The following NKAIN3 variants were observed in gnomAD, a reference collection of about 807,000 sequenced individuals.
NKAIN3 encodes the protein sodium/potassium-transporting ATPase subunit beta-1-interacting protein 3.
A neutral mutation model predicts 30.2 loss-of-function variants in NKAIN3; 25 were observed. That is an observed-to-expected ratio of 0.83 (90% CI 0.60 to 1.16). NKAIN3 has a LOEUF of 1.16. Ranked by LOEUF, NKAIN3 falls within the 50% of genes most tolerant of loss-of-function variation. NKAIN3 has a pLI of 0.00. For missense variants in NKAIN3, 225 were observed against 254.1 expected, an observed-to-expected ratio of 0.89 and a Z score of 0.78; for synonymous variants, 91 against 89.6, an observed-to-expected ratio of 1.02 and a Z score of -0.09.
chr8:62,907,411 A>G (rs1821809097), intron 4 of NKAIN3, among the ~76,000 whole-genome samples: 1 of 152,236 alleles, frequency 6.6e-6, no homozygotes, highest in South Asian at 2.1e-4. Context: ...CCATTTTCTG[A>G]GGAGAAATTC....
chr8:62,556,588 A>G (rs1809398282), intron 1 of NKAIN3, among the ~76,000 whole-genome samples: 1 of 151,932 alleles, frequency 6.6e-6, no homozygotes, highest in Admixed American at 6.6e-5. Context: ...TATAGAAAGT[A>G]TGCAATTGAA....
At chr8:62,844,473 T>G (rs983503756) in intron 4 of NKAIN3, among the ~76,000 whole-genome samples, 1 of 152,308 alleles carries the variant, frequency 6.6e-6, no homozygotes, top group East Asian at 1.9e-4. Context: ...TTAATTAAGC[T>G]GTAGGTTATC....
rs145699622 is a variant in NKAIN3 at position 62,529,513 on chromosome 8, A to T, written c.55-50026A>T. Among the ~76,000 whole-genome samples, 3 of 152,184 alleles carry T rather than the reference A, an allele frequency of 2.0e-5. No individual in the cohort carries two copies. In the East Asian group the frequency reaches 5.8e-4, roughly 30 times the overall value. On this transcript the variant is annotated intron_variant, in intron 1 of 6. Coordinates refer to ENST00000623646, the MANE Select transcript of NKAIN3 (RefSeq NM_001304533.3). ...GGGTGGAGCCCTCCTGAATGGGATT[A>T]GTGCCTTGTAAAAGATATCCAGAGA...
chr8:62,381,095 A>G (rs941554342), intron 1 of NKAIN3, among the ~76,000 whole-genome samples: 3 of 152,170 alleles, frequency 2.0e-5, no homozygotes, highest in South Asian at 4.1e-4. Context: ...GCTTTATTTC[A>G]TATTACATTT....
chr8:62,415,201 ATATAT>A (rs985694366), intron 1 of NKAIN3, among the ~76,000 whole-genome samples: 10 of 142,322 alleles, frequency 7.0e-5, no homozygotes, highest in East Asian at 2.0e-4. Context: ...ACTATAGTAT[ATATAT>A]TATATTATTT....
intron 4 of NKAIN3, among the ~76,000 whole-genome samples, chr8:62,751,998 G>T (rs752872223): frequency 1.4e-4 from 21 of 152,012 alleles, no homozygotes; most frequent in Admixed American, 2.6e-4. Context: ...TTTTTCACTT[G>T]TTCATGTCTG....
intron 1 of NKAIN3, among the ~76,000 whole-genome samples, chr8:62,499,891 A>G (rs1182902294): frequency 6.6e-6 from 1 of 151,800 alleles, no homozygotes. Context: ...CCTTGTCACA[A>G]CAACAATTTT....
At chr8:62,331,901 T>C (rs1347353619) in intron 1 of NKAIN3, among the ~76,000 whole-genome samples, 1 of 152,162 alleles carries the variant, frequency 6.6e-6, no homozygotes, top group African/African-American at 2.4e-5. Flanking sequence ...AGTCACCTAA[T>C]GTCTTCTTTG....
chr8:62,726,789 G>A (rs553399158), intron 3 of NKAIN3, among the ~76,000 whole-genome samples: 16 of 152,108 alleles, frequency 1.1e-4, no homozygotes, highest in African/African-American at 3.9e-4. Flanking sequence ...AAGAAATTAT[G>A]CTATTGTTCT....
At chr8:62,523,128 T>C (rs899176519) in intron 1 of NKAIN3, among the ~76,000 whole-genome samples, 2 of 152,124 alleles carry the variant, frequency 1.3e-5, no homozygotes, top group African/African-American at 4.8e-5. Context: ...ATTTTTACTG[T>C]TCCTTTTCTG....
chr8:62,986,965 CT>C (rs1824212798), downstream of NKAIN3, among the ~76,000 whole-genome samples: 1 of 152,210 alleles, frequency 6.6e-6, no homozygotes, highest in Non-Finnish European at 1.5e-5. Context: ...AACATTGCCC[CT>C]GCTCTTTCAT....
rs182130803 is a variant in NKAIN3 at position 62,503,716 on chromosome 8, A to G, written c.55-75823A>G. 1.6e-3 allele frequency among the ~76,000 whole-genome samples: 241 copies of G among 152,224 alleles called. 1 individual carries two copies. The highest frequency in any genetic ancestry group is 2.8e-3 in the Non-Finnish European group (193 of 68,014). On this transcript the variant is annotated intron_variant, in intron 1 of 6. Transcript: ENST00000623646. ...ATTTAGTGATATCTCTTCTACTTGCATGTCCATTTATAGGCTCTCTGCAAG... is the reference window on the plus strand; with the variant it reads ...ATTTAGTGATATCTCTTCTACTTGCGTGTCCATTTATAGGCTCTCTGCAAG...
At chr8:62,514,959 TA>T (rs1807938087) in intron 1 of NKAIN3, among the ~76,000 whole-genome samples, 1 of 152,180 alleles carries the variant, frequency 6.6e-6, no homozygotes, top group African/African-American at 2.4e-5. Flanking sequence ...GATATGTGAT[TA>T]AGTATTGATA....
At chr8:62,404,983 C>G (rs1804017201) in intron 1 of NKAIN3, among the ~76,000 whole-genome samples, 1 of 152,144 alleles carries the variant, frequency 6.6e-6, no homozygotes, top group African/African-American at 2.4e-5. Context: ...ATGAATCCTG[C>G]TGCAACCGAG....
At chr8:62,428,921 C>A (rs893716715) in intron 1 of NKAIN3, among the ~76,000 whole-genome samples, 1 of 151,808 alleles carries the variant, frequency 6.6e-6, no homozygotes, top group Non-Finnish European at 1.5e-5. Context: ...TGATCTGGAG[C>A]ATTTGTTCAA....
At chr8:62,447,728 A>G (rs1363456167) in intron 1 of NKAIN3, among the ~76,000 whole-genome samples, 1 of 152,034 alleles carries the variant, frequency 6.6e-6, no homozygotes, top group East Asian at 1.9e-4. Context: ...CTGGCATCCC[A>G]TTGATCCTGG....
At chr8:62,581,000 G>A (rs901060064) in intron 2 of NKAIN3, among the ~76,000 whole-genome samples, 1 of 149,686 alleles carries the variant, frequency 6.7e-6, no homozygotes, top group African/African-American at 2.4e-5. Context: ...CTACTTGGGG[G>A]GCCAAGGCAG....
At chr8:62,320,942 C>A (rs1266656736) in intron 1 of NKAIN3, among the ~76,000 whole-genome samples, 2 of 152,192 alleles carry the variant, frequency 1.3e-5, no homozygotes, top group Non-Finnish European at 2.9e-5. Flanking sequence ...CAACTTGTTT[C>A]CATTCTCCCT....
At chr8:62,617,381 A>G (rs1811490317) in intron 3 of NKAIN3, among the ~76,000 whole-genome samples, 1 of 152,316 alleles carries the variant, frequency 6.6e-6, no homozygotes, top group Non-Finnish European at 1.5e-5. Flanking sequence ...GACCACACTA[A>G]TCATGCAATC....
Sources: allele counts gnomAD v4.1 joint callset (sites outside exome capture counted in the v4.1 genomes callset), GRCh38; gene constraint gnomAD v4.1.1; transcripts MANE v1.5; gene names NCBI Gene and HGNC (gene_info 2026-07-23, HGNC 2026-07-21).